Variants in ARK2C observed in about 807,000 individuals in gnomAD.
ARK2C encodes the protein arkadia (RNF111) C-terminal like ring finger ubiquitin ligase 2C.
At chr18:46,420,879 G>C in the ARK2C span, among the ~76,000 whole-genome samples, 6 of 152,112 alleles carry the variant, frequency 3.9e-5, no homozygotes, top group South Asian at 4.1e-4. Context: ...TTGGGGTTTG[G>C]AGATTTGCTT....
chr18:46,354,838 G>A, the ARK2C span, among the ~76,000 whole-genome samples: 1 of 152,046 alleles, frequency 6.6e-6, no homozygotes, highest in African/African-American at 2.4e-5. Context: ...AAAGCTTTGG[G>A]GCCTATAAGT....
the ARK2C span, among the ~76,000 whole-genome samples, chr18:46,423,969 A>G: frequency 2.0e-5 from 3 of 152,078 alleles, no homozygotes; most frequent in African/African-American, 7.2e-5. Flanking sequence ...GTATCTCATT[A>G]TCCTCCTGTC....
the ARK2C span, among the ~76,000 whole-genome samples, chr18:46,339,006 C>T: frequency 2.0e-5 from 3 of 152,284 alleles, no homozygotes; most frequent in African/African-American, 4.8e-5. Flanking sequence ...TCTTTGTTCT[C>T]GTGCTCTTCC....
At chr18:46,395,202 C>T in the ARK2C span, among the ~76,000 whole-genome samples, 1 of 152,204 alleles carries the variant, frequency 6.6e-6, no homozygotes, top group Non-Finnish European at 1.5e-5. Flanking sequence ...AGTACTTTCC[C>T]CTGGATTTTC....
chr18:46,462,560 A>G, the ARK2C span: 1 of 152,752 alleles, frequency 6.5e-6, no homozygotes, highest in Non-Finnish European at 1.5e-5. Flanking sequence ...CTTCCTGCCT[A>G]GCTTCCCCTT....
chr18:46,403,546 T>C, the ARK2C span, among the ~76,000 whole-genome samples: 5 of 152,220 alleles, frequency 3.3e-5, no homozygotes, highest in East Asian at 3.8e-4. Context: ...TGACTACTTA[T>C]TGAATGCTTC....
the ARK2C span, among the ~76,000 whole-genome samples, chr18:46,339,609 C>T: frequency 1.5e-4 from 23 of 152,226 alleles, no homozygotes; most frequent in African/African-American, 5.3e-4. Flanking sequence ...ATTTTGGAAA[C>T]CCCATCAGTT....
chr18:46,427,641 C>T, the ARK2C span, among the ~76,000 whole-genome samples: 1 of 151,998 alleles, frequency 6.6e-6, no homozygotes, highest in African/African-American at 2.4e-5. Flanking sequence ...GCCTCAAACC[C>T]GCAGCCCCTT....
the ARK2C span, among the ~76,000 whole-genome samples, chr18:46,432,205 G>C: frequency 6.6e-6 from 1 of 152,200 alleles, no homozygotes; most frequent in African/African-American, 2.4e-5. Context: ...TTTGCTTAGA[G>C]AGAATTTGTA....
the ARK2C span, among the ~76,000 whole-genome samples, chr18:46,455,166 TATAA>T: frequency 1.3e-5 from 2 of 152,200 alleles, no homozygotes; most frequent in Non-Finnish European, 2.9e-5. Context: ...AATCCAACAA[TATAA>T]ATAGTTTATA....
chr18:46,344,679 C>T, the ARK2C span, among the ~76,000 whole-genome samples: 1,274 of 152,216 alleles, frequency 8.4e-3, 15 homozygotes, highest in African/African-American at 0.029. Context: ...GGGACCATAC[C>T]TGCCCCCTCT....
At chr18:46,367,848 G>T in the ARK2C span, among the ~76,000 whole-genome samples, 1 of 152,232 alleles carries the variant, frequency 6.6e-6, no homozygotes, top group Non-Finnish European at 1.5e-5. Context: ...TCTCGGCTCT[G>T]CTTCTGGATA....
the ARK2C span, among the ~76,000 whole-genome samples, chr18:46,454,110 CAAAAAAAAAAA>C: frequency 5.4e-4 from 9 of 16,630 alleles, no homozygotes; most frequent in African/African-American, 1.1e-3. Flanking sequence ...AAGGCCGTCT[CAAAAAAAAAAA>C]AAAAAAAAAA....
At chr18:46,450,280 G>A in the ARK2C span, 2,087 of 1,583,922 alleles carry the variant, frequency 1.3e-3, 15 homozygotes, top group African/African-American at 0.019. Flanking sequence ...TATCCAAGGC[G>A]TTTTCTACCC....
At chr18:46,342,435 G>T in the ARK2C span, among the ~76,000 whole-genome samples, 32 of 152,364 alleles carry the variant, frequency 2.1e-4, no homozygotes, top group Non-Finnish European at 2.9e-4. Flanking sequence ...CTTCGAGGGG[G>T]TCTAGACCCC....
the ARK2C span, among the ~76,000 whole-genome samples, chr18:46,378,577 G>A: frequency 6.6e-6 from 1 of 152,170 alleles, no homozygotes; most frequent in Non-Finnish European, 1.5e-5. Context: ...TGGTCCAATT[G>A]TTCCAGTTTC....
the ARK2C span, among the ~76,000 whole-genome samples, chr18:46,359,340 C>T: frequency 6.6e-6 from 1 of 152,136 alleles, no homozygotes; most frequent in Non-Finnish European, 1.5e-5. Context: ...GTGCAGGCAG[C>T]TGTGGGGAGG....
chr18:46,360,370 T>A, the ARK2C span, among the ~76,000 whole-genome samples: 1 of 152,164 alleles, frequency 6.6e-6, no homozygotes, highest in African/African-American at 2.4e-5. Flanking sequence ...CCCACAATGG[T>A]GCTCAAAATT....
the ARK2C span, chr18:46,459,514 A>G: frequency 7.2e-5 from 11 of 152,076 alleles, no homozygotes; most frequent in African/African-American, 2.4e-4. Context: ...CCCCCTCCCA[A>G]TTCTCTGCCC....
Sources: gnomAD v4.1 joint callset for allele counts (sites outside exome capture counted in the v4.1 genomes callset) on GRCh38, gnomAD v4.1.1 for gene constraint, MANE v1.5 for transcripts, NCBI Gene and HGNC (gene_info 2026-07-23, HGNC 2026-07-21) for gene names.